Variants in P2RY8 observed in about 807,000 individuals in gnomAD.
P2RY8 encodes S-geranylgeranyl-glutathione receptor P2RY8.
P2RY8 carries 6 observed loss-of-function variants against 10.0 expected under a neutral mutation model. That is an observed-to-expected ratio of 0.60 (90% CI 0.33 to 1.19). The LOEUF (loss-of-function observed/expected upper bound fraction) is 1.19. Ranked by LOEUF, P2RY8 falls within the 50% of genes most tolerant of loss-of-function variation. The pLI is 0.04. For synonymous variants in P2RY8, 276 were observed against 252.5 expected (o/e 1.09, Z -0.88); for missense variants, 456 against 542.0 (o/e 0.84, Z 1.58).
At chrX:1,510,632 C>T (rs1209832530) in intron 1 of P2RY8, among the ~76,000 whole-genome samples, 28 of 152,110 alleles carry the variant, frequency 1.8e-4, no homozygotes, top group African/African-American at 5.1e-4. Context: ...AATACCAGCA[C>T]TTTGGGAGGC....
chrX:1,503,756 A>G (rs28436010), intron 1 of P2RY8, among the ~76,000 whole-genome samples: 2 of 152,066 alleles, frequency 1.3e-5, no homozygotes, highest in African/African-American at 4.8e-5. Context: ...TTAGCTGGGC[A>G]TGGTGGCAGG....
At chrX:1,526,878 A>C (rs1484091130) in intron 1 of P2RY8, among the ~76,000 whole-genome samples, 2 of 152,096 alleles carry the variant, frequency 1.3e-5, no homozygotes, top group Non-Finnish European at 2.9e-5. Flanking sequence ...TTATTCATCT[A>C]TTCATTCATT....
At chrX:1,478,990 C>T (rs1569536847) in intron 1 of P2RY8, among the ~76,000 whole-genome samples, 1 of 152,160 alleles carries the variant, frequency 6.6e-6, no homozygotes, top group Non-Finnish European at 1.5e-5. Flanking sequence ...CATTCCAAGT[C>T]CCCTCAGCCA....
rs1417685186 is a variant in P2RY8, at chrX:1,466,374, A to T, written c.185T>A (p.Met62Lys). 2 of 1,613,784 alleles carry T rather than the reference A, an allele frequency of 1.2e-6. No homozygotes were observed. The highest frequency in any genetic ancestry group is 8.5e-7 in the Non-Finnish European group (1 of 1,179,840). Residue 62 changes from methionine (M) to lysine (K), a missense_variant, in exon 2 of 2, where the codon ATG becomes AAG. Transcript: ENST00000381297. Reference protein sequence around the residue: ...MGPRSPSVIFMINLSVTDLML... With the variant: ...MGPRSPSVIFKINLSVTDLML... ...CAGGTCCGTGACGCTCAGGTTGATCATGAAGATGACCGACGGGGATCTGGG... is the reference window on the plus strand; with the variant it reads ...CAGGTCCGTGACGCTCAGGTTGATCTTGAAGATGACCGACGGGGATCTGGG...
chrX:1,465,149 T>TA lies in P2RY8; in HGVS notation c.*329dup, dbSNP rs1189502483. The TA allele has an allele frequency of 1.5e-4, 63 of 416,980 alleles. No individual in the cohort carries two copies. The highest frequency in any genetic ancestry group is 1.3e-3 in the East Asian group (34 of 25,570). The allele number at this position is 416,980 out of a possible 1,614,324, so 25.8% of individuals were successfully genotyped here. ...CTCGGGGGTGACAGCCCAGCTCTAC[T>TA]AAAAAAAATACAAAAATTAGCCGGG... On this transcript the variant is annotated 3_prime_UTR_variant, in exon 2 of 2. Transcript: ENST00000381297.
At chrX:1,536,201 G>A (rs1276398660) in intron 1 of P2RY8, among the ~76,000 whole-genome samples, 2 of 152,004 alleles carry the variant, frequency 1.3e-5, no homozygotes, top group Non-Finnish European at 2.9e-5. Flanking sequence ...TGCAGCAGCC[G>A]CAGCTGCTTA....
intron 1 of P2RY8, among the ~76,000 whole-genome samples, chrX:1,515,625 C>T (rs1222053164): frequency 6.6e-6 from 1 of 151,742 alleles, no homozygotes; most frequent in African/African-American, 2.4e-5. Context: ...CCCGCCTCGG[C>T]CTCCCAAAGT....
At position 1,493,483 on chromosome X, in the gene P2RY8, G is replaced by A. The variant is rs1357659105; in HGVS notation, c.-24-26901C>T. On this transcript the variant is annotated intron_variant, in intron 1 of 1. Coordinates refer to ENST00000381297, the MANE Select transcript of P2RY8 (RefSeq NM_178129.5). ...AGGGAGGAGGGAGGGAGGGAAGGAA[G>A]GAAAGATCGCAGAGATAAAGCCCTT... Among the ~76,000 whole-genome samples the A allele has an allele frequency of 4.6e-5, 7 of 150,600 alleles. 1 individual carries two copies.
At chrX:1,498,539 CGG>C (rs2092142806) in intron 1 of P2RY8, among the ~76,000 whole-genome samples, 1 of 143,754 alleles carries the variant, frequency 7.0e-6, no homozygotes, top group African/African-American at 2.5e-5. Context: ...TTTTTTCAGA[CGG>C]AGTTTTCCTC....
At position 1,465,096 on chromosome X, in the gene P2RY8, T is replaced by C. The variant is rs1313515142; in HGVS notation, c.*383A>G. 6.8e-6 allele frequency: 2 copies of C among 295,422 alleles called. No individual in the cohort carries two copies. Among genetic ancestry groups the C allele is most frequent in the Non-Finnish European group, 1.3e-5 (2 of 157,894 alleles). The allele number at this position is 295,422 out of a possible 1,614,324, so 18.3% of individuals were successfully genotyped here. A position where few individuals can be genotyped will look rare whatever the true frequency, so the allele number is the denominator to read the frequency against. On this transcript the variant is annotated 3_prime_UTR_variant, in exon 2 of 2. Coordinates refer to ENST00000381297, the MANE Select transcript of P2RY8 (RefSeq NM_178129.5). ...CTGGTTGAATATCCACCCTCGGGTA[T>C]GGACAGGTGTGAGGAGTGTCTAAGG...
At chrX:1,513,428 C>T (rs1363325214) in intron 1 of P2RY8, among the ~76,000 whole-genome samples, 1 of 152,160 alleles carries the variant, frequency 6.6e-6, no homozygotes, top group African/African-American at 2.4e-5. Flanking sequence ...AGGGGAGGAT[C>T]CCTCCTGCCT....
rs1569538153 is a variant in P2RY8 at position 1,509,787 on chromosome X, TGTATC to T, written c.-25+27129_-25+27133del. Among the ~76,000 whole-genome samples, 44 of 59,274 alleles carry T rather than the reference TGTATC, an allele frequency of 7.4e-4. 2 individuals are homozygous for T. Among genetic ancestry groups the T allele is most frequent in the South Asian group, 2.7e-3 (5 of 1,864 alleles). 38.9% of individuals were successfully genotyped at this position (59,274 alleles called of 152,430 possible). On this transcript the variant is annotated intron_variant, in intron 1 of 1. Transcript: ENST00000381297. ...TATCTATCTATCTATCTATCATCTA[TGTATC>T]CATCCTATCTATCTATCTATCTATC...
chrX:1,536,366 A>G (rs1464909812), intron 1 of P2RY8, among the ~76,000 whole-genome samples: 1 of 151,188 alleles, frequency 6.6e-6, no homozygotes, highest in African/African-American at 2.4e-5. Flanking sequence ...GGATCATGCC[A>G]TTCTCCTGCC....
chrX:1,509,205 A>C (rs1316552452), intron 1 of P2RY8, among the ~76,000 whole-genome samples: 1 of 145,890 alleles, frequency 6.9e-6, no homozygotes, highest in South Asian at 2.1e-4. Context: ...CTATGTATCT[A>C]CCTATCTAGC....
At chrX:1,518,342 C>T (rs1244664870) in intron 1 of P2RY8, among the ~76,000 whole-genome samples, 1 of 149,782 alleles carries the variant, frequency 6.7e-6, no homozygotes, top group Non-Finnish European at 1.5e-5. Context: ...AGGAGAATGG[C>T]GTGAACCCAG....
At chrX:1,490,934 T>C (rs1305355471) in intron 1 of P2RY8, among the ~76,000 whole-genome samples, 2 of 140,644 alleles carry the variant, frequency 1.4e-5, no homozygotes, top group Non-Finnish European at 3.0e-5. Flanking sequence ...AATGAATGAA[T>C]GATACCCCAG....
chrX:1,527,706 T>C (rs867610145), intron 1 of P2RY8, among the ~76,000 whole-genome samples: 2 of 151,330 alleles, frequency 1.3e-5, no homozygotes, highest in Non-Finnish European at 3.0e-5. Context: ...TTTACTCATC[T>C]ATCCATCCAT....
At chrX:1,531,382 T>A (rs776641799) in intron 1 of P2RY8, among the ~76,000 whole-genome samples, 33 of 152,252 alleles carry the variant, frequency 2.2e-4, no homozygotes, top group Middle Eastern at 6.8e-3. Flanking sequence ...CCTTGCCCCA[T>A]CTTCCTGCAT....
chrX:1,477,298 T>TCAGA (rs778603312), intron 1 of P2RY8, among the ~76,000 whole-genome samples: 9 of 151,962 alleles, frequency 5.9e-5, no homozygotes, highest in Middle Eastern at 3.4e-3. Context: ...TCTATCTATA[T>TCAGA]CAATCGTCTT....
Sources: allele counts gnomAD v4.1 joint callset (sites outside exome capture counted in the v4.1 genomes callset), GRCh38; gene constraint gnomAD v4.1.1; transcripts MANE v1.5; gene names NCBI Gene and HGNC (gene_info 2026-07-23, HGNC 2026-07-21).